The following KIAA0753 variants were observed in gnomAD, a reference collection of about 807,000 sequenced individuals.
KIAA0753 encodes KIAA0753, also known as protein moonraker.
A neutral mutation model predicts 116.9 loss-of-function variants in KIAA0753; 114 were observed. That is an observed-to-expected ratio of 0.98 (90% confidence interval 0.84 to 1.14). KIAA0753 has a LOEUF of 1.14. Ranked by LOEUF, KIAA0753 falls within the 50% of genes most tolerant of loss-of-function variation. The probability of loss-of-function intolerance (pLI) is 0.00; values close to 1 mark genes in which losing one functional copy is unlikely to be tolerated. For synonymous variants in KIAA0753, 405 were observed against 413.1 expected, an observed-to-expected ratio of 0.98 and a Z score of 0.24; for missense variants, 1,156 against 1,172.4, an observed-to-expected ratio of 0.99 and a Z score of 0.20.
chr17:6,582,233 A>G (rs117738113), intron 18 of KIAA0753, among the ~76,000 whole-genome samples: 2,359 of 152,370 alleles, frequency 0.015, 37 homozygotes, highest in South Asian at 0.033. Context: ...CCTACAAACT[A>G]GAATCCAGTT....
At position 6,623,578 on chromosome 17, in the gene KIAA0753, T is replaced by C. The variant is rs775052879; in HGVS notation, c.826-7A>G. ...CTTCCTGGATTTCTTTTACCTGTTT[T>C]GTAAAGGGGAAAAAAGAAAACTTCA... On this transcript the variant is annotated splice_polypyrimidine_tract_variant and splice_region_variant and intron_variant, in intron 4 of 18. Coordinates refer to ENST00000361413, the MANE Select transcript of KIAA0753 (RefSeq NM_014804.3). 2 of 1,607,020 alleles carry C rather than the reference T, an allele frequency of 1.2e-6. No individual in the cohort carries two copies. Among genetic ancestry groups the C allele is most frequent in the Admixed American group, 3.4e-5 (2 of 58,648 alleles).
At chr17:6,611,049 A>G (rs1003135543) in intron 8 of KIAA0753, among the ~76,000 whole-genome samples, 1 of 152,212 alleles carries the variant, frequency 6.6e-6, no homozygotes, top group Non-Finnish European at 1.5e-5. Flanking sequence ...CAGATTTGCT[A>G]AAGAAGCCTT....
Position 6,608,466 on chromosome 17 carries a change from T to C in KIAA0753, c.1713-2A>G. ...GTTTTCACCTTTAGCCATGCAGCAC[T>C]GAAATAAATGGAAAAGCATACCTTT... is the stretch of plus-strand genomic sequence containing the variant. On this transcript the variant is annotated splice_acceptor_variant, in intron 9 of 18. Transcript: ENST00000361413. LOFTEE classifies it high-confidence loss of function. 10 of 1,471,250 alleles carry C rather than the reference T, an allele frequency of 6.8e-6. No homozygotes were observed. The highest frequency in any genetic ancestry group is 9.2e-6 in the Non-Finnish European group (10 of 1,089,968). The allele number at this position is 1,471,250 out of a possible 1,614,324, so 91.1% of individuals were successfully genotyped here.
At chr17:6,627,052 AAC>A (rs1211494936) in intron 3 of KIAA0753, among the ~76,000 whole-genome samples, 31 of 152,212 alleles carry the variant, frequency 2.0e-4, no homozygotes, top group African/African-American at 6.5e-4. Flanking sequence ...GATATTATAC[AAC>A]ACACTCTTTA....
intron 18 of KIAA0753, among the ~76,000 whole-genome samples, chr17:6,586,564 T>C (rs1348739011): frequency 1.3e-5 from 2 of 152,254 alleles, no homozygotes. Flanking sequence ...GTTTTATTCA[T>C]TCTTGTAGTG....
chr17:6,614,919 C>T (rs890334203), intron 7 of KIAA0753, among the ~76,000 whole-genome samples: 1 of 152,144 alleles, frequency 6.6e-6, no homozygotes, highest in Non-Finnish European at 1.5e-5. Flanking sequence ...CTGCCTCAGC[C>T]TCCTGAGCAG....
chr17:6,597,687 C>T (rs77710388), intron 14 of KIAA0753, among the ~76,000 whole-genome samples: 2,927 of 152,228 alleles, frequency 0.019, 89 homozygotes, highest in African/African-American at 0.065. Flanking sequence ...TAGACAGATA[C>T]GTTATAATGG....
Position 6,588,694 on chromosome 17 carries a change from A to G in KIAA0753, c.2786+1085T>C, listed in dbSNP as rs35679479. On this transcript the variant is annotated intron_variant, in intron 18 of 18. Coordinates refer to ENST00000361413, the MANE Select transcript of KIAA0753 (RefSeq NM_014804.3). ...TAATTATAGTATACTACTTAGCTCA[A>G]TGATGAAAAATATCTTGCATGTTTG... Among the ~76,000 whole-genome samples, 1,250 of 152,330 alleles carry G rather than the reference A, an allele frequency of 8.2e-3. 7 individuals are homozygous for G. Among genetic ancestry groups the G allele is most frequent in the East Asian group, 0.025 (132 of 5,192 alleles).
chr17:6,614,151 T>C (rs1358485155), intron 7 of KIAA0753, among the ~76,000 whole-genome samples: 2 of 152,202 alleles, frequency 1.3e-5, no homozygotes, highest in East Asian at 3.8e-4. Flanking sequence ...TCATTTTAAA[T>C]CCATCAAAAG....
In KIAA0753 at chr17:6,579,821, C is replaced by T. The variant is rs1395557069; in HGVS notation, c.2830G>A (p.Ala944Thr). The change falls in exon 19 of 19, where the codon GCT becomes ACT. Residue 944 changes from alanine to threonine, a missense_variant. By Grantham distance (58) the Ala-to-Thr change is moderately conservative. Coordinates refer to ENST00000361413, the MANE Select transcript of KIAA0753 (RefSeq NM_014804.3). ...LVDEALGAVA[A>T]ELQDMCEDYA... is the part of the protein sequence containing the mutation. ...TCTTCGCACATATCCTGAAGTTCAG[C>T]AGCCACAGCACCCAGAGCTTCATCT... 6.2e-7 allele frequency: 1 copy of T among 1,613,974 alleles called. No homozygotes were observed. The highest frequency in any genetic ancestry group is 1.1e-5 in the South Asian group (1 of 91,086).
chr17:6,634,695 T>A, intron 2 of KIAA0753: 1 of 219,536 alleles, frequency 4.6e-6, no homozygotes, highest in Non-Finnish European at 9.3e-6. Flanking sequence ...AAAGACTGGT[T>A]ATTGGATAAC....
intron 15 of KIAA0753, among the ~76,000 whole-genome samples, chr17:6,595,942 C>T (rs1054493805): frequency 2.6e-5 from 4 of 152,178 alleles, no homozygotes; most frequent in East Asian, 3.8e-4. Context: ...GCAAGCAGTG[C>T]GCTGAATACT....
chr17:6,601,569 C>A (rs1259851452), intron 12 of KIAA0753, among the ~76,000 whole-genome samples: 2 of 152,162 alleles, frequency 1.3e-5, no homozygotes, highest in Non-Finnish European at 2.9e-5. Flanking sequence ...CCAGGTGTTA[C>A]TTTCATCAGA....
At chr17:6,581,283 G>T (rs1203540830) in intron 18 of KIAA0753, among the ~76,000 whole-genome samples, 1 of 151,598 alleles carries the variant, frequency 6.6e-6, no homozygotes, top group Non-Finnish European at 1.5e-5. Flanking sequence ...TTTTTGGGGG[G>T]GTGGGGAGAA....
chr17:6,622,834 G>A (rs748477875), intron 6 of KIAA0753, 48 bp downstream of exon 6: 9 of 1,475,210 alleles, frequency 6.1e-6, no homozygotes, highest in Non-Finnish European at 8.5e-6. Context: ...GTAATAGTAA[G>A]CATTACTTCC....
At chr17:6,601,322 C>T (rs1170349849) in intron 12 of KIAA0753, among the ~76,000 whole-genome samples, 2 of 152,200 alleles carry the variant, frequency 1.3e-5, no homozygotes, top group African/African-American at 2.4e-5. Context: ...GGTCTCTTGA[C>T]TAGGGGCACC....
chr17:6,621,630 C>A (rs1014992074), intron 6 of KIAA0753, among the ~76,000 whole-genome samples: 6 of 152,002 alleles, frequency 3.9e-5, no homozygotes, highest in African/African-American at 1.5e-4. Flanking sequence ...TGATGTAGGG[C>A]CACAAGAGGA....
At chr17:6,615,333 T>C (rs1970818798) in intron 7 of KIAA0753, among the ~76,000 whole-genome samples, 1 of 152,138 alleles carries the variant, frequency 6.6e-6, no homozygotes. Context: ...CGTATCAAAC[T>C]GCTTGTGTTC....
intron 18 of KIAA0753, among the ~76,000 whole-genome samples, chr17:6,582,151 C>T (rs1455363389): frequency 3.9e-5 from 6 of 152,200 alleles, no homozygotes; most frequent in Non-Finnish European, 8.8e-5. Flanking sequence ...AATGTACTTA[C>T]TTATTTGACC....
Sources: allele counts gnomAD v4.1 joint callset (sites outside exome capture counted in the v4.1 genomes callset), GRCh38; gene constraint gnomAD v4.1.1; transcripts MANE v1.5; gene names NCBI Gene and HGNC (gene_info 2026-07-23, HGNC 2026-07-21).